Variants in PCBP3 observed in about 807,000 individuals in gnomAD.
The protein encoded by PCBP3 is poly(rC)-binding protein 3.
In PCBP3, 25 loss-of-function variants were observed where a neutral mutation model predicts 52.7. The observed-to-expected ratio is 0.47, with a 90% CI of 0.35 to 0.66. PCBP3 has a LOEUF of 0.66. Ranked by LOEUF, PCBP3 falls within the 30% of genes least tolerant of loss-of-function variation. The pLI, the probability that PCBP3 is intolerant of heterozygous loss-of-function variation, is 0.01. For synonymous variants in PCBP3, 162 were observed against 183.0 expected, an observed-to-expected ratio of 0.89 and a Z score of 0.93; for missense variants, 391 against 490.3, an observed-to-expected ratio of 0.80 and a Z score of 1.91.
At chr21:45,753,247 TATTTCTGTTC>T (rs1385337486) in intron 3 of PCBP3, among the ~76,000 whole-genome samples, 2 of 152,010 alleles carry the variant, frequency 1.3e-5, no homozygotes, top group Non-Finnish European at 2.9e-5. Context: ...TATTTTCTTA[TATTTCTGTTC>T]ATTTCTGCTC....
At chr21:45,711,772 C>A (rs1178352964) in intron 2 of PCBP3, among the ~76,000 whole-genome samples, 1 of 152,144 alleles carries the variant, frequency 6.6e-6, no homozygotes, top group South Asian at 2.1e-4. Flanking sequence ...GATTGGACAT[C>A]CTAAATGACG....
chr21:45,659,539 C>T (rs1298094606), intron 1 of PCBP3, among the ~76,000 whole-genome samples: 1 of 151,866 alleles, frequency 6.6e-6, no homozygotes, highest in Non-Finnish European at 1.5e-5. Flanking sequence ...TTGTGAGACA[C>T]AGTGTCTTGT....
intron 4 of PCBP3, among the ~76,000 whole-genome samples, chr21:45,798,363 T>C (rs111495384): frequency 2.2e-4 from 3 of 13,398 alleles, no homozygotes; most frequent in African/African-American, 7.9e-4. Context: ...TGAATGGATG[T>C]GTACATGGAT....
intron 5 of PCBP3, among the ~76,000 whole-genome samples, chr21:45,894,688 C>T (rs1346941435): frequency 6.6e-6 from 1 of 152,238 alleles, no homozygotes; most frequent in African/African-American, 2.4e-5. Context: ...GCTGCCGCCG[C>T]CCACACGAGG....
At chr21:45,920,369 T>C (rs1485949002) in intron 13 of PCBP3, among the ~76,000 whole-genome samples, 1 of 152,240 alleles carries the variant, frequency 6.6e-6, no homozygotes, top group Admixed American at 6.5e-5. Flanking sequence ...GATTGGCTTT[T>C]ACTTCGATTG....
intron 4 of PCBP3, among the ~76,000 whole-genome samples, chr21:45,814,947 T>A (rs2092831227): frequency 7.8e-6 from 1 of 128,072 alleles, no homozygotes; most frequent in Admixed American, 7.7e-5. Context: ...GAGTGATGAG[T>A]GGTGAGTGAG....
chr21:45,883,887 C>T (rs757109075), intron 5 of PCBP3, among the ~76,000 whole-genome samples: 28 of 152,186 alleles, frequency 1.8e-4, no homozygotes, highest in Non-Finnish European at 3.7e-4. Flanking sequence ...AAAGTTATTA[C>T]GGTATTGAGA....
chr21:45,937,637 A>G (rs1248350375), intron 16 of PCBP3, among the ~76,000 whole-genome samples: 1 of 152,172 alleles, frequency 6.6e-6, no homozygotes, highest in South Asian at 2.1e-4. Context: ...TGAATTTGCA[A>G]TGGAGGCACA....
In PCBP3 at chr21:45,868,411, CTTT is replaced by C. The variant is rs1232045625; in HGVS notation, c.10+18335_10+18337del. ...TGGTGTTTGTGTTGACTTATTTGTT[CTTT>C]TTTTTTTTTTTTTTTTTTAAATAAA... On this transcript the variant is annotated intron_variant, in intron 5 of 17. Transcript: ENST00000681687. Among the ~76,000 whole-genome samples the C allele has an allele frequency of 2.5e-3, 280 of 113,652 alleles. 3 individuals carry two copies. The highest frequency in any genetic ancestry group is 8.7e-3 in the African/African-American group (267 of 30,558). The allele number at this position is 113,652 out of a possible 152,430, so 74.6% of individuals were successfully genotyped here. A position where few individuals can be genotyped will look rare whatever the true frequency, so the allele number is the denominator to read the frequency against.
intron 1 of PCBP3, among the ~76,000 whole-genome samples, chr21:45,648,740 C>G (rs950867643): frequency 1.3e-5 from 2 of 152,202 alleles, no homozygotes; most frequent in African/African-American, 4.8e-5. Flanking sequence ...ATTTCCTTGG[C>G]TAGTGAGTTT....
chr21:45,888,712 A>C (rs765417876), intron 5 of PCBP3, among the ~76,000 whole-genome samples: 1 of 152,278 alleles, frequency 6.6e-6, no homozygotes, highest in Non-Finnish European at 1.5e-5. Context: ...GTGAAGCTGA[A>C]ATGAATAAAC....
At chr21:45,759,202 C>T (rs56323347) in intron 4 of PCBP3, among the ~76,000 whole-genome samples, 25,613 of 152,048 alleles carry the variant, frequency 0.17, 2,287 homozygotes, top group Middle Eastern at 0.32. Flanking sequence ...AGGATTTCCT[C>T]CTTTTCTGTT....
intron 4 of PCBP3, chr21:45,759,800 A>T (rs536014756): frequency 6.6e-6 from 1 of 152,354 alleles, no homozygotes; most frequent in Admixed American, 6.5e-5. Context: ...AACAAATACC[A>T]GCCTGGTGAA....
intron 1 of PCBP3, among the ~76,000 whole-genome samples, chr21:45,646,083 T>TCTCTCTCTC (rs1206207801): frequency 2.7e-4 from 27 of 99,592 alleles, no homozygotes; most frequent in Admixed American, 3.3e-4. Context: ...CTCTCTCTCT[T>TCTCTCTCTC]TCTCTCTCTC....
At chr21:45,807,941 T>G (rs1026031446) in intron 4 of PCBP3, among the ~76,000 whole-genome samples, 3 of 152,156 alleles carry the variant, frequency 2.0e-5, no homozygotes, top group Admixed American at 1.3e-4. Flanking sequence ...AAACAAGCAG[T>G]GGGGAAAGGA....
intron 4 of PCBP3, among the ~76,000 whole-genome samples, chr21:45,789,589 G>A (rs1242204787): frequency 6.6e-6 from 1 of 152,216 alleles, no homozygotes; most frequent in Non-Finnish European, 1.5e-5. Flanking sequence ...CAGCACGAAG[G>A]CTTTAAGGTG....
Position 45,930,772 on chromosome 21 carries a change from T to C in PCBP3, c.797-14T>C. On this transcript the variant is annotated splice_polypyrimidine_tract_variant and intron_variant, in intron 14 of 17. Transcript: ENST00000681687. ...AGGGCAAAACATTAAACCTGTCTCT[T>C]CTTTGCTCTCCAGGAGAAAAGCTGC... 1 of 1,138,124 alleles carries C rather than the reference T, an allele frequency of 8.8e-7. No homozygotes were observed. The highest frequency in any genetic ancestry group is 1.3e-6 in the Non-Finnish European group (1 of 745,368). The allele number at this position is 1,138,124 out of a possible 1,614,324, so 70.5% of individuals were successfully genotyped here.
chr21:45,734,749 C>G (rs1352941513), intron 2 of PCBP3, among the ~76,000 whole-genome samples: 1 of 152,194 alleles, frequency 6.6e-6, no homozygotes. Context: ...CATGTCTGAA[C>G]ACCCTCGTCT....
chr21:45,892,885 T>C (rs1270405726), intron 5 of PCBP3, among the ~76,000 whole-genome samples: 1 of 151,838 alleles, frequency 6.6e-6, no homozygotes, highest in African/African-American at 2.4e-5. Context: ...TCTACTTCCA[T>C]GGCTGTGCGT....
Sources: allele counts gnomAD v4.1 joint callset (sites outside exome capture counted in the v4.1 genomes callset), GRCh38; gene constraint gnomAD v4.1.1; transcripts MANE v1.5; gene names NCBI Gene and HGNC (gene_info 2026-07-23, HGNC 2026-07-21).